DAB1: variants seen among roughly 807,000 people sequenced by gnomAD.
The protein encoded by DAB1 is DAB adaptor protein 1.
Under a neutral mutation model 64.6 loss-of-function variants are expected in DAB1, and 15 were observed. The ratio of observed to expected loss-of-function variants is 0.23; its 90% CI spans 0.16 to 0.36. The LOEUF is 0.36. DAB1 is among the 10% of genes least tolerant of loss of function. The pLI is 1.00. For missense variants in DAB1, 596 were observed against 706.7 expected (o/e 0.84, Z 1.78); for synonymous variants, 235 against 251.9 (o/e 0.93, Z 0.64).
At chr1:57,160,453 G>A (rs1660640544) in intron 2 of DAB1, among the ~76,000 whole-genome samples, 1 of 152,212 alleles carries the variant, frequency 6.6e-6, no homozygotes, top group Non-Finnish European at 1.5e-5. Flanking sequence ...GAAAGGAAGA[G>A]AATCCAAAGC....
intron 3 of DAB1, among the ~76,000 whole-genome samples, chr1:58,418,496 T>C (rs1644742947): frequency 6.6e-6 from 1 of 152,148 alleles, no homozygotes; most frequent in African/African-American, 2.4e-5. Flanking sequence ...TATGCATTCA[T>C]TCATTTATTC....
At chr1:57,465,712 C>T (rs1325607848) in intron 7 of DAB1, among the ~76,000 whole-genome samples, 2 of 152,106 alleles carry the variant, frequency 1.3e-5, no homozygotes, top group Non-Finnish European at 2.9e-5. Flanking sequence ...GCCTCCATAT[C>T]CCACTAGCAC....
intron 5 of DAB1, among the ~76,000 whole-genome samples, chr1:57,894,667 A>C (rs77611201): frequency 6.6e-6 from 1 of 152,298 alleles, no homozygotes; most frequent in African/African-American, 2.4e-5. Context: ...CGAAGGGTTT[A>C]AGCAGAAGTA....
chr1:57,821,464 T>C (rs919317362), downstream of DAB1, among the ~76,000 whole-genome samples: 4 of 152,190 alleles, frequency 2.6e-5, no homozygotes, highest in African/African-American at 9.6e-5. Flanking sequence ...TCTATGATGG[T>C]GGTAGCAGCT....
chr1:58,466,482 T>C (rs1310684873), intron 3 of DAB1, among the ~76,000 whole-genome samples: 1 of 151,954 alleles, frequency 6.6e-6, no homozygotes, highest in African/African-American at 2.4e-5. Context: ...GTGGAAGCAA[T>C]GTGGGGGCCC....
chr1:58,306,729 A>G lies in DAB1; in HGVS notation n.309+36623T>C, dbSNP rs568432092. ...GAGACTGTTTGGAGGCATATTCTAC[A>G]TGGTTTCTTGTAGGATCTCCAGCAG... is the stretch of plus-strand genomic sequence containing the variant. On this transcript the variant is annotated intron_variant and non_coding_transcript_variant, in intron 4 of 20. Transcript: ENST00000485760. Among the ~76,000 whole-genome samples, 8 of 152,202 alleles carry G rather than the reference A, an allele frequency of 5.3e-5. No homozygotes were observed. In the East Asian group the frequency reaches 1.5e-3, roughly 29 times the overall value.
chr1:58,069,008 C>G (rs1287144260), intron 5 of DAB1, among the ~76,000 whole-genome samples: 1 of 152,090 alleles, frequency 6.6e-6, no homozygotes, highest in African/African-American at 2.4e-5. Context: ...ATCCTTGTTG[C>G]ATTAGAAGAG....
At chr1:58,326,634 G>A (rs941893526) in intron 4 of DAB1, among the ~76,000 whole-genome samples, 1 of 152,204 alleles carries the variant, frequency 6.6e-6, no homozygotes, top group African/African-American at 2.4e-5. Flanking sequence ...GCAACCCAGT[G>A]ATAACACAGC....
intron 7 of DAB1, among the ~76,000 whole-genome samples, chr1:57,591,811 G>T (rs1465133702): frequency 6.6e-6 from 1 of 152,248 alleles, no homozygotes; most frequent in Non-Finnish European, 1.5e-5. Flanking sequence ...TGTCTGCAGT[G>T]TCAGAGGCTC....
intron 1 of DAB1, among the ~76,000 whole-genome samples, chr1:57,348,212 G>A (rs1678275768): frequency 6.6e-6 from 1 of 152,104 alleles, no homozygotes; most frequent in African/African-American, 2.4e-5. Flanking sequence ...ATCCACAGAG[G>A]AGCAAACACT....
intron 4 of DAB1, among the ~76,000 whole-genome samples, chr1:57,121,012 G>A (rs910262926): frequency 2.0e-5 from 3 of 152,020 alleles, no homozygotes; most frequent in African/African-American, 7.3e-5. Flanking sequence ...TGAGAGGTCT[G>A]TAGGATAAAG....
chr1:58,428,843 G>C (rs1459400674), intron 3 of DAB1, among the ~76,000 whole-genome samples: 1 of 152,070 alleles, frequency 6.6e-6, no homozygotes, highest in East Asian at 1.9e-4. Flanking sequence ...GTAGTTATTA[G>C]ATAATAAATA....
chr1:57,023,036 C>T (rs112412477), intron 11 of DAB1, among the ~76,000 whole-genome samples: 30 of 152,284 alleles, frequency 2.0e-4, no homozygotes, highest in African/African-American at 6.7e-4. Context: ...TCATTATTCT[C>T]ACAACTCAGT....
At chr1:57,901,082 T>C (rs1258902683) in intron 5 of DAB1, among the ~76,000 whole-genome samples, 2 of 152,160 alleles carry the variant, frequency 1.3e-5, no homozygotes, top group Non-Finnish European at 2.9e-5. Flanking sequence ...ATTCTAATTT[T>C]TACCAAAGAG....
intron 5 of DAB1, among the ~76,000 whole-genome samples, chr1:57,925,047 T>A (rs969428058): frequency 6.6e-6 from 1 of 152,190 alleles, no homozygotes; most frequent in African/African-American, 2.4e-5. Context: ...ACTTTTCACA[T>A]AAAAATCAGG....
chr1:58,239,566 T>C (rs1164667375), intron 4 of DAB1, among the ~76,000 whole-genome samples: 3 of 152,142 alleles, frequency 2.0e-5, no homozygotes, highest in African/African-American at 4.8e-5. Context: ...AGAAAGTCAA[T>C]AGGAGCCCAT....
intron 2 of DAB1, among the ~76,000 whole-genome samples, chr1:57,265,845 G>C (rs1186034225): frequency 6.6e-6 from 1 of 152,192 alleles, no homozygotes; most frequent in African/African-American, 2.4e-5. Context: ...TGGTATCTAT[G>C]TATTTTGACC....
At chr1:58,201,022 G>GT (rs201977266) in intron 4 of DAB1, among the ~76,000 whole-genome samples, 3,304 of 142,942 alleles carry the variant, frequency 0.023, 118 homozygotes, top group African/African-American at 0.072. Context: ...TGTTTGTTTT[G>GT]TTTTTTTTTT....
chr1:57,503,337 C>T (rs992695498), intron 7 of DAB1, among the ~76,000 whole-genome samples: 1 of 152,208 alleles, frequency 6.6e-6, no homozygotes, highest in Non-Finnish European at 1.5e-5. Flanking sequence ...GTTTCTCAGT[C>T]TCTAGGTCCT....
Sources: gnomAD v4.1 joint callset for allele counts (sites outside exome capture counted in the v4.1 genomes callset) on GRCh38, gnomAD v4.1.1 for gene constraint, MANE v1.5 for transcripts, NCBI Gene and HGNC (gene_info 2026-07-23, HGNC 2026-07-21) for gene names.